LDLRAD4: variants seen among roughly 807,000 people sequenced by gnomAD.
LDLRAD4 encodes low density lipoprotein receptor class A domain containing 4, also known as low-density lipoprotein receptor class A domain-containing protein 4.
Under a neutral mutation model 17.0 loss-of-function variants are expected in LDLRAD4, and 5 were observed. That is an observed-to-expected ratio of 0.29 (90% CI 0.15 to 0.62). The LOEUF is 0.62. Among genes scored for constraint, LDLRAD4 ranks in the 20% least tolerant of loss-of-function variants. LDLRAD4 has a pLI of 0.84. For missense variants in LDLRAD4, 340 were observed against 424.7 expected (o/e 0.80, Z 1.75); for synonymous variants, 168 against 171.8 (o/e 0.98, Z 0.17).
At chr18:13,368,097 T>C (rs1329055276) in intron 1 of LDLRAD4, among the ~76,000 whole-genome samples, 1 of 152,024 alleles carries the variant, frequency 6.6e-6, no homozygotes, top group Non-Finnish European at 1.5e-5. Flanking sequence ...TGGGTATATC[T>C]GGGGGTGGTG....
chr18:13,459,159 C>CAAAAAAAAAAA (rs534798084), intron 3 of LDLRAD4, among the ~76,000 whole-genome samples: 3 of 53,744 alleles, frequency 5.6e-5, no homozygotes, highest in African/African-American at 1.2e-4. Flanking sequence ...ATCTCTACAC[C>CAAAAAAAAAAA]AAAAAAAAAA....
At chr18:13,345,691 G>A (rs1394384319) in intron 1 of LDLRAD4, among the ~76,000 whole-genome samples, 5 of 152,218 alleles carry the variant, frequency 3.3e-5, no homozygotes, top group South Asian at 2.1e-4. Flanking sequence ...GGTAGAATTC[G>A]GCTGTGAATC....
chr18:13,256,680 C>T (rs1466428621), intron 1 of LDLRAD4, among the ~76,000 whole-genome samples: 1 of 152,200 alleles, frequency 6.6e-6, no homozygotes, highest in East Asian at 1.9e-4. Context: ...CAATCTGGCA[C>T]CCCATGGATG....
chr18:13,581,687 C>G (rs2094860765), intron 3 of LDLRAD4, among the ~76,000 whole-genome samples: 1 of 151,884 alleles, frequency 6.6e-6, no homozygotes, highest in Non-Finnish European at 1.5e-5. Context: ...AGACCCTTAC[C>G]AGTGGTTAAA....
chr18:13,591,922 T>A (rs1297509163), intron 3 of LDLRAD4, among the ~76,000 whole-genome samples: 1 of 152,214 alleles, frequency 6.6e-6, no homozygotes, highest in Non-Finnish European at 1.5e-5. Context: ...ATGAGGAAAC[T>A]GAGGCTAAGG....
At chr18:13,298,594 T>A (rs1341669529) in intron 1 of LDLRAD4, among the ~76,000 whole-genome samples, 4 of 133,390 alleles carry the variant, frequency 3.0e-5, no homozygotes, top group Non-Finnish European at 4.8e-5. Context: ...ATGGTGATGT[T>A]GCTGCTTTGG....
At chr18:13,224,703 A>G (rs2041671518) in intron 1 of LDLRAD4, among the ~76,000 whole-genome samples, 1 of 150,360 alleles carries the variant, frequency 6.7e-6, no homozygotes, top group African/African-American at 2.5e-5. Context: ...GATGGTCTTG[A>G]TCTCCTGACC....
intron 1 of LDLRAD4, among the ~76,000 whole-genome samples, chr18:13,297,985 A>G (rs1467468470): frequency 6.6e-6 from 1 of 152,190 alleles, no homozygotes; most frequent in Non-Finnish European, 1.5e-5. Context: ...AGGAAGATGC[A>G]TGGGGCATGC....
At chr18:13,305,079 A>C (rs2046831384) in intron 1 of LDLRAD4, among the ~76,000 whole-genome samples, 1 of 152,100 alleles carries the variant, frequency 6.6e-6, no homozygotes, top group South Asian at 2.1e-4. Flanking sequence ...TTGCATATGA[A>C]TCTCGTAGCC....
In LDLRAD4 at chr18:13,621,097, A is replaced by C. The variant is rs139853786; in HGVS notation, c.182-20A>C. ...GACTGGAGGGGCCAGGTGGCTAACC[A>C]CTCTCCTCTTCCATGGCAGCGGAGC... On this transcript the variant is annotated intron_variant, in intron 3 of 5. Coordinates refer to ENST00000359446, the Ensembl canonical transcript of LDLRAD4. The surrounding 1 kb of genome is among the most constrained non-coding windows in gnomAD (Gnocchi z 5.5). 6.2e-7 allele frequency: 1 copy of C among 1,613,712 alleles called. No individual in the cohort carries two copies. The highest frequency in any genetic ancestry group is 1.7e-5 in the Admixed American group (1 of 59,988).
chr18:13,447,022 C>G (rs2091454323), intron 3 of LDLRAD4, among the ~76,000 whole-genome samples: 2 of 152,166 alleles, frequency 1.3e-5, no homozygotes, highest in African/African-American at 4.8e-5. Context: ...GTGAGGGGCT[C>G]TGGGTTTCCA....
At chr18:13,249,781 T>C (rs1249182325) in intron 1 of LDLRAD4, among the ~76,000 whole-genome samples, 3 of 152,204 alleles carry the variant, frequency 2.0e-5, no homozygotes, top group African/African-American at 7.2e-5. Flanking sequence ...TTTTTGCTTT[T>C]GTTGCCCATG....
chr18:13,516,799 C>G (rs539686359), intron 3 of LDLRAD4, among the ~76,000 whole-genome samples: 3 of 152,254 alleles, frequency 2.0e-5, no homozygotes, highest in African/African-American at 7.2e-5. Context: ...AGGAGAGTGG[C>G]CTTATATCAG....
chr18:13,631,790 G>C (rs1568432012), intron 4 of LDLRAD4, among the ~76,000 whole-genome samples: 2 of 152,018 alleles, frequency 1.3e-5, no homozygotes, highest in East Asian at 3.8e-4. Flanking sequence ...AACCAGGCAT[G>C]GGGGCACGCA....
intron 1 of LDLRAD4, among the ~76,000 whole-genome samples, chr18:13,250,155 T>C (rs2043162100): frequency 6.6e-6 from 1 of 152,242 alleles, no homozygotes; most frequent in Admixed American, 6.5e-5. Context: ...CTGTTCTCTC[T>C]ATTCTGTTCC....
intron 3 of LDLRAD4, among the ~76,000 whole-genome samples, chr18:13,619,772 C>T (rs1456986340): frequency 5.3e-5 from 8 of 152,102 alleles, no homozygotes; most frequent in African/African-American, 1.2e-4. Context: ...TGGCTTTGTC[C>T]GTGTCCACAG....
chr18:13,294,675 CGGATGAGGA>C (rs1310102876), intron 1 of LDLRAD4, among the ~76,000 whole-genome samples: 2 of 152,002 alleles, frequency 1.3e-5, no homozygotes, highest in East Asian at 1.9e-4. Context: ...GGGACACAGG[CGGATGAGGA>C]GGATGTTGTG....
intron 3 of LDLRAD4, chr18:13,615,257 A>G (rs1424043292): frequency 1.3e-5 from 2 of 152,238 alleles, no homozygotes; most frequent in East Asian, 3.8e-4. Flanking sequence ...AGAGGAACGC[A>G]TGAGGGGCCC....
chr18:13,544,663 G>A (rs148496282), intron 3 of LDLRAD4, among the ~76,000 whole-genome samples: 4 of 152,260 alleles, frequency 2.6e-5, no homozygotes, highest in African/African-American at 7.2e-5. Flanking sequence ...TAGAATGGAG[G>A]ACAACTTACA....
Sources: gnomAD v4.1 joint callset for allele counts (sites outside exome capture counted in the v4.1 genomes callset) on GRCh38, gnomAD v4.1.1 for gene constraint, Gnocchi (gnomAD v3.1) non-coding constraint, MANE v1.5 for transcripts, NCBI Gene and HGNC (gene_info 2026-07-23, HGNC 2026-07-21) for gene names.